The following NEGR1 variants were observed in gnomAD, a reference collection of about 807,000 sequenced individuals.
NEGR1 encodes neuronal growth regulator 1.
NEGR1 carries 10 observed loss-of-function variants against 40.9 expected under a neutral mutation model. The observed-to-expected ratio is 0.24, with a 90% CI of 0.15 to 0.42. The LOEUF (loss-of-function observed/expected upper bound fraction) is 0.42. Ranked by LOEUF, NEGR1 falls within the 10% of genes least tolerant of loss-of-function variation. The probability of loss-of-function intolerance (pLI) is 1.00; values close to 1 mark genes in which losing one functional copy is unlikely to be tolerated. For missense variants in NEGR1, 352 were observed against 438.9 expected (o/e 0.80, Z 1.77); for synonymous variants, 185 against 166.8 (o/e 1.11, Z -0.84).
chr1:72,246,921 T>C (rs978596920), intron 1 of NEGR1, among the ~76,000 whole-genome samples: 2 of 152,254 alleles, frequency 1.3e-5, no homozygotes, highest in Non-Finnish European at 2.9e-5. Context: ...TCTGCACACA[T>C]ACAGGGTTAA....
At chr1:71,646,917 T>A (rs922460200) in intron 4 of NEGR1, among the ~76,000 whole-genome samples, 6 of 151,346 alleles carry the variant, frequency 4.0e-5, no homozygotes, top group Non-Finnish European at 8.8e-5. Context: ...TACTAATAAT[T>A]ATTATTTAAG....
intron 4 of NEGR1, among the ~76,000 whole-genome samples, chr1:71,636,124 T>C (rs1268118665): frequency 6.6e-6 from 1 of 152,090 alleles, no homozygotes; most frequent in Non-Finnish European, 1.5e-5. Flanking sequence ...AAGAGTGGTA[T>C]TGTTAGGGTA....
intron 6 of NEGR1, among the ~76,000 whole-genome samples, chr1:71,524,371 GATAAAATATT>G: frequency 6.9e-6 from 1 of 144,046 alleles, no homozygotes; most frequent in East Asian, 2.3e-4. Flanking sequence ...CAACCAATTT[GATAAAATATT>G]GTAAAATTAT....
At chr1:71,414,353 A>C (rs1646341681) in intron 6 of NEGR1, among the ~76,000 whole-genome samples, 1 of 152,138 alleles carries the variant, frequency 6.6e-6, no homozygotes, top group South Asian at 2.1e-4. Flanking sequence ...GCTGCAGGAG[A>C]TATCCGGAGG....
At chr1:72,048,546 A>C (rs540604927) in intron 1 of NEGR1, among the ~76,000 whole-genome samples, 1 of 151,720 alleles carries the variant, frequency 6.6e-6, no homozygotes, top group East Asian at 1.9e-4. Flanking sequence ...AAAGGGAACC[A>C]CTAAATAATT....
intron 1 of NEGR1, among the ~76,000 whole-genome samples, chr1:72,007,559 G>A (rs928379083): frequency 2.0e-5 from 3 of 151,990 alleles, no homozygotes; most frequent in Non-Finnish European, 2.9e-5. Context: ...CTGTCTTATG[G>A]CCACTAGTTA....
At chr1:72,039,968 G>A (rs1165883752) in intron 1 of NEGR1, among the ~76,000 whole-genome samples, 1 of 152,018 alleles carries the variant, frequency 6.6e-6, no homozygotes, top group Non-Finnish European at 1.5e-5. Context: ...TGAAGTGAAG[G>A]AAAAGTGTAG....
intron 6 of NEGR1, among the ~76,000 whole-genome samples, chr1:71,425,427 C>T (rs748029926): frequency 3.3e-5 from 5 of 152,134 alleles, no homozygotes; most frequent in Non-Finnish European, 7.4e-5. Flanking sequence ...ACAAACCTTT[C>T]CCCAACTATA....
At chr1:71,776,992 G>A (rs1308301307) in intron 2 of NEGR1, among the ~76,000 whole-genome samples, 1 of 152,038 alleles carries the variant, frequency 6.6e-6, no homozygotes, top group Non-Finnish European at 1.5e-5. Context: ...AAATCCATAA[G>A]AGTCAAGGGG....
intron 6 of NEGR1, among the ~76,000 whole-genome samples, chr1:71,562,914 G>A (rs1349531210): frequency 3.3e-5 from 5 of 151,924 alleles, no homozygotes; most frequent in Admixed American, 6.6e-5. Flanking sequence ...GGGAAAGTCT[G>A]AGACATAACC....
At chr1:71,500,475 G>A (rs574057733) in intron 6 of NEGR1, among the ~76,000 whole-genome samples, 24 of 151,914 alleles carry the variant, frequency 1.6e-4, no homozygotes, top group South Asian at 8.3e-4. Context: ...AATCAATTTC[G>A]TCACATTACA....
At chr1:71,926,578 G>T (rs1269193381) in intron 2 of NEGR1, among the ~76,000 whole-genome samples, 1 of 149,354 alleles carries the variant, frequency 6.7e-6, no homozygotes, top group Non-Finnish European at 1.5e-5. Context: ...AACTCACAAA[G>T]TTCCTTCTAT....
chr1:72,148,293 C>T (rs747494519), intron 1 of NEGR1, among the ~76,000 whole-genome samples: 16 of 152,170 alleles, frequency 1.1e-4, no homozygotes, highest in Non-Finnish European at 2.1e-4. Flanking sequence ...CTCAACACCA[C>T]ATAGAAGCTG....
At chr1:72,115,582 T>C (rs1649549917) in intron 1 of NEGR1, among the ~76,000 whole-genome samples, 1 of 151,688 alleles carries the variant, frequency 6.6e-6, no homozygotes, top group African/African-American at 2.4e-5. Flanking sequence ...ATGAGTACTT[T>C]GAGCCTGACA....
At chr1:71,856,239 G>A (rs563452121) in intron 2 of NEGR1, among the ~76,000 whole-genome samples, 5 of 152,058 alleles carry the variant, frequency 3.3e-5, no homozygotes, top group African/African-American at 9.6e-5. Context: ...AGATACATAA[G>A]GAAATATAAG....
intron 3 of NEGR1, among the ~76,000 whole-genome samples, chr1:71,755,293 C>T (rs1003305332): frequency 6.6e-6 from 1 of 152,190 alleles, no homozygotes; most frequent in African/African-American, 2.4e-5. Context: ...TCATTACCCT[C>T]AAGTCAACCT....
At position 71,431,039 on chromosome 1, in the gene NEGR1, G is replaced by A. The variant is rs377220894; in HGVS notation, c.941-23469C>T. Among the ~76,000 whole-genome samples the A allele has an allele frequency of 1.3e-4, 20 of 150,926 alleles. No individual in the cohort carries two copies. The South Asian group carries it at 1.7e-3, about 13-fold the overall frequency. ...TGGGATTACAGGCGTGAGCCACCGC[G>A]CCCGGCCAAAAAAGACTTTTTTTTT... On this transcript the variant is annotated intron_variant, in intron 6 of 6. Transcript: ENST00000357731.
intron 1 of NEGR1, among the ~76,000 whole-genome samples, chr1:72,056,308 G>A (rs1647109769): frequency 6.6e-6 from 1 of 151,214 alleles, no homozygotes; most frequent in South Asian, 2.1e-4. Flanking sequence ...CACAAATGAG[G>A]AATGAAAAAT....
At chr1:71,749,359 A>AACTT (rs1356291697) in intron 3 of NEGR1, among the ~76,000 whole-genome samples, 6 of 152,194 alleles carry the variant, frequency 3.9e-5, no homozygotes, top group African/African-American at 1.4e-4. Context: ...ATTTTCACTT[A>AACTT]ACTTACCTAA....
Sources: gnomAD v4.1 joint callset for allele counts (sites outside exome capture counted in the v4.1 genomes callset) on GRCh38, gnomAD v4.1.1 for gene constraint, MANE v1.5 for transcripts, NCBI Gene and HGNC (gene_info 2026-07-23, HGNC 2026-07-21) for gene names.